The following MAP3K12 variants were observed in gnomAD, a reference collection of about 807,000 sequenced individuals.
MAP3K12 encodes the protein MAPK-upstream kinase.
A neutral mutation model predicts 87.5 loss-of-function variants in MAP3K12; 14 were observed. The observed-to-expected ratio is 0.16, with a 90% CI of 0.11 to 0.25. The LOEUF is 0.25. Among genes scored for constraint, MAP3K12 ranks in the 10% least tolerant of loss-of-function variants. MAP3K12 has a pLI of 1.00. For synonymous variants in MAP3K12, 469 were observed against 452.5 expected, an observed-to-expected ratio of 1.04 and a Z score of -0.46; for missense variants, 802 against 1,140.4, an observed-to-expected ratio of 0.70 and a Z score of 4.27.
At position 53,480,311 on chromosome 12, in the gene MAP3K12, A is replaced by G. The variant is rs552643895; in HGVS notation, c.*871T>C. On this transcript the variant is annotated 3_prime_UTR_variant, in exon 14 of 14. Coordinates refer to ENST00000547488, the MANE Select transcript of MAP3K12 (RefSeq NM_001193511.2). The stretch of plus-strand genomic sequence containing the variant: ...AAGTTAGAAGGATGTATCTGCTACC[A>G]TTTATTCCTATAATTTTAGAAAGTT... The G allele has an allele frequency of 6.6e-6, 1 of 152,310 alleles. No individual in the cohort carries two copies. The highest frequency in any genetic ancestry group is 1.5e-5 in the Non-Finnish European group (1 of 68,026). The allele number at this position is 152,310 out of a possible 1,614,324, so 9.4% of individuals were successfully genotyped here.
intron 1 of MAP3K12, among the ~76,000 whole-genome samples, chr12:53,498,013 C>G (rs371841257): frequency 6.6e-6 from 1 of 152,190 alleles, no homozygotes; most frequent in Non-Finnish European, 1.5e-5. Flanking sequence ...TGAGCCATGT[C>G]TAACTTCTTG....
Position 53,482,893 on chromosome 12 carries a change from C to T in MAP3K12, c.1910G>A (p.Arg637His), listed in dbSNP as rs754240127. The T allele has an allele frequency of 4.3e-6, 7 of 1,611,520 alleles. No individual in the cohort carries two copies. Among genetic ancestry groups the T allele is most frequent in the Admixed American group, 1.7e-5 (1 of 59,934 alleles). ...GTCTGGGGACGATGAAGACATTTTG[C>T]GGAGCAGGAGGTCATGATGAAGCCC... is the stretch of plus-strand genomic sequence containing the variant. ...LRGLHHDLLL[R>H]KMSSSSPDLL... Residue 637 changes from arginine (R) to histidine (H), a missense_variant, in exon 11 of 14, where the codon CGC becomes CAC. Coordinates refer to ENST00000547488, the MANE Select transcript of MAP3K12 (RefSeq NM_001193511.2).
intron 6 of MAP3K12, chr12:53,484,679 C>T: frequency 2.3e-6 from 1 of 443,102 alleles, no homozygotes; most frequent in Non-Finnish European, 4.1e-6. Flanking sequence ...AATCGTCAAA[C>T]TTCCCTGGGT....
At position 53,486,010 on chromosome 12, in the gene MAP3K12, T is replaced by C. The variant is rs199641354; in HGVS notation, c.821+46A>G. On this transcript the variant is annotated intron_variant, in intron 4 of 13. Coordinates refer to ENST00000547488, the MANE Select transcript of MAP3K12 (RefSeq NM_001193511.2). The surrounding 1 kb of genome is among the most constrained non-coding windows in gnomAD (Gnocchi z 4.9). Reference sequence around the variant, plus strand: ...CGGGAGAAGGCCACACTGACTTGAGTGGGTCACCTGCATGCACATCTGTTG... The same window carrying C: ...CGGGAGAAGGCCACACTGACTTGAGCGGGTCACCTGCATGCACATCTGTTG... 1 of 1,546,316 alleles carries C rather than the reference T, an allele frequency of 6.5e-7. No homozygotes were observed. Among genetic ancestry groups the C allele is most frequent in the Admixed American group, 1.8e-5 (1 of 54,566 alleles).
At chr12:53,489,269 G>T (rs905206153) in intron 1 of MAP3K12, among the ~76,000 whole-genome samples, 2 of 152,044 alleles carry the variant, frequency 1.3e-5, no homozygotes, top group African/African-American at 2.4e-5. Context: ...GGCGGAGGTT[G>T]CAGTAAGCCA....
At chr12:53,487,516 T>G in intron 1 of MAP3K12, 88 bp from the exon 2 acceptor site, 2 of 1,372,194 alleles carry the variant, frequency 1.5e-6, no homozygotes, top group Non-Finnish European at 2.0e-6. Context: ...CAGACTGGGG[T>G]GCTGGGTTCA....
Position 53,483,099 on chromosome 12 carries a change from G to T in MAP3K12, c.1704C>A (p.Pro568=), listed in dbSNP as rs777368317. 11 of 1,527,334 alleles carry T rather than the reference G, an allele frequency of 7.2e-6. No homozygotes were observed. Among genetic ancestry groups the T allele is most frequent in the Non-Finnish European group, 5.3e-6 (6 of 1,139,896 alleles). The allele number at this position is 1,527,334 out of a possible 1,614,324, so 94.6% of individuals were successfully genotyped here. The change falls in exon 11 of 14, where the codon CCC becomes CCA. Residue 568 remains proline (P), a synonymous_variant. Transcript: ENST00000547488. Reference sequence around the variant, plus strand: ...TGCCACGGCGACTCCGTCCTGGTGAGGGGGGGCCCTTAGGACACCCAGGAA... The same window carrying T: ...TGCCACGGCGACTCCGTCCTGGTGATGGGGGGCCCTTAGGACACCCAGGAA... The part of the protein sequence containing the change: ...VGLPGCPKGP[P]SPGRSRRGKT...
upstream of MAP3K12, chr12:53,501,453 G>T (rs968511769): frequency 6.4e-7 from 1 of 1,568,866 alleles, no homozygotes; most frequent in Non-Finnish European, 8.6e-7. Context: ...CGGGCTGCGG[G>T]CTGCCTAGGT....
rs368137981 is a variant in MAP3K12, at chr12:53,480,369, A to C, written c.*813T>G. 2 of 152,414 alleles carry C rather than the reference A, an allele frequency of 1.3e-5. No homozygotes were observed. The highest frequency in any genetic ancestry group is 4.8e-5 in the African/African-American group (2 of 41,446). The allele number at this position is 152,414 out of a possible 1,614,324, so 9.4% of individuals were successfully genotyped here. ...GACATTATACTCATTTAGTGAGAGT[A>C]GATGCAAAAAAGTGGAGGGGCAGGA... On this transcript the variant is annotated 3_prime_UTR_variant, in exon 14 of 14. Coordinates refer to ENST00000547488, the MANE Select transcript of MAP3K12 (RefSeq NM_001193511.2).
intron 1 of MAP3K12, 133 bp from the exon 2 acceptor site, chr12:53,487,561 G>A (rs996758073): frequency 1.1e-5 from 9 of 829,250 alleles, no homozygotes; most frequent in Middle Eastern, 3.7e-4. Context: ...TTGTGGCTCC[G>A]TTTCCCATGG....
chr12:53,487,002 A>G lies in MAP3K12; in HGVS notation c.390T>C (p.Pro130=), dbSNP rs746707901. The change falls in exon 2 of 14, where the codon CCT becomes CCC. Residue 130 remains proline (P), a synonymous_variant. Transcript: ENST00000547488. ...AGGCTTTGCCAATCATGGTCCAGAC[A>G]GGGCGCAGGCAGCCAAAGAGGCCCT... ...FLEGLFGCLR[P]VWTMIGKAYS... is the part of the protein sequence containing the mutation. The G allele has an allele frequency of 8.1e-6, 13 of 1,613,996 alleles. No individual in the cohort carries two copies. The African/African-American group carries it at 1.3e-4, about 17-fold the overall frequency.
intron 1 of MAP3K12, among the ~76,000 whole-genome samples, chr12:53,488,745 A>G (rs945750232): frequency 2.0e-5 from 3 of 151,928 alleles, no homozygotes; most frequent in African/African-American, 7.3e-5. Flanking sequence ...TAATCTCAAC[A>G]CTTTGGGAGG....
chr12:53,482,066 C>T lies in MAP3K12; in HGVS notation c.2455G>A (p.Glu819Lys), dbSNP rs1290950496. The part of the protein sequence containing the change: ...GSTNTDERPD[E>K]RSDDMCSQGS... ...TGGGAGCACATGTCATCAGACCGCT[C>T]ATCTGGCCGCTCATCAGTGTTGGTG... The change falls in exon 13 of 14, where the codon GAG becomes AAG. Residue 819 changes from glutamate (E) to lysine (K), a missense_variant. Glu to Lys is a moderately conservative substitution (Grantham distance 56, BLOSUM62 1). This residue lies in a region of MAP3K12 where 490 missense variants were observed against 496.6 expected (regional missense o/e 0.99). Coordinates refer to ENST00000547488, the MANE Select transcript of MAP3K12 (RefSeq NM_001193511.2). 1.9e-6 allele frequency: 3 copies of T among 1,614,184 alleles called. No individual in the cohort carries two copies. The highest frequency in any genetic ancestry group is 8.5e-7 in the Non-Finnish European group (1 of 1,180,020).
chr12:53,492,017 G>A (rs1282525355), intron 1 of MAP3K12, among the ~76,000 whole-genome samples: 2 of 150,798 alleles, frequency 1.3e-5, no homozygotes, highest in Non-Finnish European at 3.0e-5. Context: ...GGAGGTTGCA[G>A]TGAGCCGAGA....
In MAP3K12 at chr12:53,487,443, G is replaced by A. The variant is rs755595853; in HGVS notation, c.-37-15C>T. On this transcript the variant is annotated splice_polypyrimidine_tract_variant and intron_variant, in intron 1 of 13. Transcript: ENST00000547488. The stretch of plus-strand genomic sequence containing the variant: ...AACACTGGGCCCTGTGGGAATGAAG[G>A]AAGGAGGGGCTGGGCTGTTAAAGCC... 1.9e-6 allele frequency: 3 copies of A among 1,552,852 alleles called. No homozygotes were observed. Among genetic ancestry groups the A allele is most frequent in the Non-Finnish European group, 2.6e-6 (3 of 1,150,400 alleles).
At chr12:53,485,507 A>G in intron 4 of MAP3K12, 32 bp from the exon 5 acceptor site, 2 of 1,599,902 alleles carry the variant, frequency 1.3e-6, no homozygotes, top group African/African-American at 1.3e-5. Context: ...TGGGGTCCAC[A>G]CCCCTCCACA....
In MAP3K12 at chr12:53,483,656, G is replaced by C. The variant is rs1943141760; in HGVS notation, c.1426C>G (p.Leu476Val). The change falls in exon 9 of 14, where the codon CTT becomes GTT. Residue 476 changes from leucine (L) to valine (V), a missense_variant. Physicochemically the swap from Leu to Val is conservative, Grantham distance 32. Around this residue, in one of 5 missense-constraint regions of MAP3K12, gnomAD observed 99 missense variants for 193.4 expected, o/e 0.51. Transcript: ENST00000547488. Reference protein sequence around the residue: ...LERANNLYMELNALMLQLELK... With the variant: ...LERANNLYMEVNALMLQLELK... ...TCCAGCTGCAACATGAGGGCATTAA[G>C]TTCCATATACAGGTTGTTGGCTCTC... 1 of 1,613,966 alleles carries C rather than the reference G, an allele frequency of 6.2e-7. No homozygotes were observed. Among genetic ancestry groups the C allele is most frequent in the Non-Finnish European group, 8.5e-7 (1 of 1,180,050 alleles).
At chr12:53,481,374 CAG>C (rs915621040) in intron 13 of MAP3K12, 94 bp from the exon 14 acceptor site, 43 of 555,988 alleles carry the variant, frequency 7.7e-5, no homozygotes, top group African/African-American at 7.4e-4. Flanking sequence ...TTTTTTAAGA[CAG>C]AGTCTCACTC....
At chr12:53,491,306 G>C (rs12231724) in intron 1 of MAP3K12, among the ~76,000 whole-genome samples, 1 of 61,500 alleles carries the variant, frequency 1.6e-5, no homozygotes, top group Non-Finnish European at 3.9e-5. Context: ...AAAAAAAAAA[G>C]AAAAGAAAAG....
Sources: allele counts gnomAD v4.1 joint callset (sites outside exome capture counted in the v4.1 genomes callset), GRCh38; gene constraint gnomAD v4.1.1; regional missense constraint gnomAD v4.1.1; non-coding constraint Gnocchi (gnomAD v3.1); transcripts MANE v1.5; gene names NCBI Gene and HGNC (gene_info 2026-07-23, HGNC 2026-07-21).